Variants in CACNA2D2 observed in about 807,000 individuals in gnomAD.
CACNA2D2 encodes the protein voltage-dependent calcium channel subunit alpha-2/delta-2.
CACNA2D2 carries 48 observed loss-of-function variants against 166.4 expected under a neutral mutation model. The ratio of observed to expected loss-of-function variants is 0.29; its 90% CI spans 0.23 to 0.37. The LOEUF (loss-of-function observed/expected upper bound fraction) is 0.37, where lower values mean the gene tolerates loss of function less well. CACNA2D2 is among the 10% of genes least tolerant of loss of function. The pLI is 1.00. For missense variants in CACNA2D2, 1,122 were observed against 1,433.0 expected, an observed-to-expected ratio of 0.78 and a Z score of 3.50; for synonymous variants, 561 against 573.7, an observed-to-expected ratio of 0.98 and a Z score of 0.32.
At chr3:50,432,149 C>T (rs1038320159) in intron 3 of CACNA2D2, among the ~76,000 whole-genome samples, 1 of 152,110 alleles carries the variant, frequency 6.6e-6, no homozygotes, top group Non-Finnish European at 1.5e-5. Context: ...GGGACCAGGA[C>T]CTCAGGCCTT....
chr3:50,486,568 C>A (rs1048258589), intron 1 of CACNA2D2, among the ~76,000 whole-genome samples: 4 of 152,206 alleles, frequency 2.6e-5, no homozygotes, highest in African/African-American at 9.7e-5. Flanking sequence ...CATCCATGTA[C>A]AGAGGAGAGG....
intron 3 of CACNA2D2, among the ~76,000 whole-genome samples, chr3:50,415,071 C>G (rs147556521): frequency 7.2e-4 from 109 of 152,362 alleles, no homozygotes; most frequent in African/African-American, 2.5e-3. Context: ...GGCCAACACT[C>G]TCCATCTCCA....
chr3:50,470,249 AG>A (rs1389806862), intron 2 of CACNA2D2, among the ~76,000 whole-genome samples: 1 of 152,196 alleles, frequency 6.6e-6, no homozygotes, highest in Non-Finnish European at 1.5e-5. Context: ...TCCAGGGGGC[AG>A]GAAGAGAGGA....
intron 2 of CACNA2D2, among the ~76,000 whole-genome samples, chr3:50,440,166 T>G (rs1575689243): frequency 6.6e-6 from 1 of 152,186 alleles, no homozygotes; most frequent in East Asian, 1.9e-4. Context: ...AACCCTAATC[T>G]GGCTGCTCTG....
Position 50,363,275 on chromosome 3 carries a change from G to GA in CACNA2D2, c.*1390dup, listed in dbSNP as rs762794125. ...GGCATGGACCACACACACACACTGA[G>GA]AAAGCGACAAGCAACATGACATTAA... On this transcript the variant is annotated 3_prime_UTR_variant, in exon 38 of 38. Transcript: ENST00000424201. The GA allele has an allele frequency of 5.0e-6, 2 of 398,712 alleles. No homozygotes were observed. The highest frequency in any genetic ancestry group is 8.8e-6 in the Non-Finnish European group (2 of 226,086). 24.7% of individuals were successfully genotyped at this position (398,712 alleles called of 1,614,324 possible).
intron 3 of CACNA2D2, among the ~76,000 whole-genome samples, chr3:50,414,896 G>A (rs1707197417): frequency 2.0e-5 from 3 of 152,234 alleles, no homozygotes; most frequent in Admixed American, 1.3e-4. Context: ...AGGCTCAGGC[G>A]CACAGTGATC....
chr3:50,435,513 G>A (rs1180546609), intron 2 of CACNA2D2, among the ~76,000 whole-genome samples: 2 of 151,802 alleles, frequency 1.3e-5, no homozygotes, highest in Non-Finnish European at 2.9e-5. Flanking sequence ...GAGAGACAGA[G>A]AGGAGGTGAT....
In CACNA2D2 at chr3:50,363,280, C is replaced by A. The variant is rs191364244; in HGVS notation, c.*1386G>T. ...GGACCACACACACACACTGAGAAAGCGACAAGCAACATGACATTAATTAAC... is the reference window on the plus strand; with the variant it reads ...GGACCACACACACACACTGAGAAAGAGACAAGCAACATGACATTAATTAAC... On this transcript the variant is annotated 3_prime_UTR_variant, in exon 38 of 38. Transcript: ENST00000424201. 7.5e-6 allele frequency: 3 copies of A among 398,722 alleles called. No homozygotes were observed. Among genetic ancestry groups the A allele is most frequent in the African/African-American group, 6.2e-5 (3 of 48,608 alleles). 24.7% of individuals were successfully genotyped at this position (398,722 alleles called of 1,614,324 possible).
intron 2 of CACNA2D2, among the ~76,000 whole-genome samples, chr3:50,466,940 T>C (rs1368078027): frequency 6.6e-6 from 1 of 152,278 alleles, no homozygotes; most frequent in East Asian, 1.9e-4. Context: ...TCAGCATTGA[T>C]CTGGAGGGAT....
Position 50,364,314 on chromosome 3 carries a change from G to A in CACNA2D2, c.*352C>T, listed in dbSNP as rs1559868095. ...GAGAGGCCGGGTCAGCTGAGGCAGG[G>A]TCCCCCCCAACATAGGCAGCCTCCA... is the stretch of plus-strand genomic sequence containing the variant. On this transcript the variant is annotated 3_prime_UTR_variant, in exon 38 of 38. Coordinates refer to ENST00000424201, the MANE Select transcript of CACNA2D2 (RefSeq NM_006030.4). The A allele has an allele frequency of 4.5e-5, 13 of 290,684 alleles. No homozygotes were observed. In the East Asian group the frequency reaches 6.9e-4, roughly 15 times the overall value. 18.0% of individuals were successfully genotyped at this position (290,684 alleles called of 1,614,324 possible).
At chr3:50,381,192 G>A (rs768661537) in intron 6 of CACNA2D2, 66 bp from the exon 7 acceptor site, 11 of 1,561,958 alleles carry the variant, frequency 7.0e-6, no homozygotes, top group South Asian at 6.8e-5. Flanking sequence ...CCACCACCAC[G>A]ACACTCATGC....
chr3:50,397,095 G>A (rs1706198613), intron 3 of CACNA2D2, among the ~76,000 whole-genome samples: 1 of 152,172 alleles, frequency 6.6e-6, no homozygotes, highest in Non-Finnish European at 1.5e-5. Context: ...AGGCCCCTCT[G>A]GCTCCAGAGC....
chr3:50,370,223 G>GT (rs1332076300), intron 23 of CACNA2D2, 97 bp downstream of exon 23: 2 of 841,080 alleles, frequency 2.4e-6, no homozygotes, highest in African/African-American at 3.4e-5. Context: ...CACTGCACAG[G>GT]ACACAGACAC....
chr3:50,364,574 C>A lies in CACNA2D2; in HGVS notation c.*92G>T. 7.2e-7 allele frequency: 1 copy of A among 1,383,646 alleles called. No individual in the cohort carries two copies. Among genetic ancestry groups the A allele is most frequent in the Non-Finnish European group, 9.5e-7 (1 of 1,051,492 alleles). The allele number at this position is 1,383,646 out of a possible 1,614,324, so 85.7% of individuals were successfully genotyped here. Reference sequence around the variant, plus strand: ...CTCAGGTCCTTCAGTGAGGGAGGGACGAGGCTCTAAGGCGGGGAGTGTGGG... The same window carrying A: ...CTCAGGTCCTTCAGTGAGGGAGGGAAGAGGCTCTAAGGCGGGGAGTGTGGG... On this transcript the variant is annotated 3_prime_UTR_variant, in exon 38 of 38. Transcript: ENST00000424201.
At chr3:50,469,293 G>A (rs1343789475) in intron 2 of CACNA2D2, among the ~76,000 whole-genome samples, 2 of 152,024 alleles carry the variant, frequency 1.3e-5, no homozygotes, top group South Asian at 4.1e-4. Flanking sequence ...CTGGATTTCC[G>A]GCCAAAGAAA....
intron 2 of CACNA2D2, among the ~76,000 whole-genome samples, chr3:50,460,779 G>A (rs183198525): frequency 4.9e-4 from 75 of 152,054 alleles, no homozygotes; most frequent in Admixed American, 3.9e-3. Flanking sequence ...GTGTGAACCC[G>A]GAAGGCGGAG....
rs1708761030 is a variant in CACNA2D2 at position 50,444,668 on chromosome 3, C to T, written c.289-10239G>A. On this transcript the variant is annotated intron_variant, in intron 2 of 37. Coordinates refer to ENST00000424201, the MANE Select transcript of CACNA2D2 (RefSeq NM_006030.4). ...TGCTAAAGATGTCACCACATAAAGA[C>T]AGCACCAACGACAGCCCCAATCACA... 2.6e-5 allele frequency among the ~76,000 whole-genome samples: 4 copies of T among 152,256 alleles called. No homozygotes were observed. In the South Asian group the frequency reaches 8.3e-4, roughly 31 times the overall value.
chr3:50,487,189 T>C (rs1698322932), intron 1 of CACNA2D2, among the ~76,000 whole-genome samples: 1 of 143,296 alleles, frequency 7.0e-6, no homozygotes, highest in African/African-American at 2.9e-5. Context: ...CTCCTTAACC[T>C]CAAGGGGGAC....
At chr3:50,369,020 G>A (rs1192197353) in intron 23 of CACNA2D2, among the ~76,000 whole-genome samples, 9 of 152,200 alleles carry the variant, frequency 5.9e-5, no homozygotes, top group Non-Finnish European at 1.3e-4. Context: ...GCTTTTGAAC[G>A]TGTGCCACTT....
Sources: allele counts gnomAD v4.1 joint callset (sites outside exome capture counted in the v4.1 genomes callset), GRCh38; gene constraint gnomAD v4.1.1; transcripts MANE v1.5; gene names NCBI Gene and HGNC (gene_info 2026-07-23, HGNC 2026-07-21).